MICU1: variants seen among roughly 807,000 people sequenced by gnomAD.
The protein encoded by MICU1 is mitochondrial calcium uptake 1.
MICU1 carries 45 observed loss-of-function variants against 56.8 expected under a neutral mutation model. The ratio of observed to expected loss-of-function variants is 0.79; its 90% CI spans 0.62 to 1.02. The LOEUF is 1.02. Ranked by LOEUF, MICU1 falls within the 50% of genes least tolerant of loss-of-function variation. The pLI, the probability that MICU1 is intolerant of heterozygous loss-of-function variation, is 0.00. For missense variants in MICU1, 504 were observed against 587.1 expected, an observed-to-expected ratio of 0.86 and a Z score of 1.46; for synonymous variants, 186 against 195.1, an observed-to-expected ratio of 0.95 and a Z score of 0.39.
At chr10:72,375,550 C>T (rs923622748) in intron 11 of MICU1, among the ~76,000 whole-genome samples, 1 of 152,084 alleles carries the variant, frequency 6.6e-6, no homozygotes, top group Admixed American at 6.5e-5. Context: ...TTAATTTAGG[C>T]CTATAGGCAT....
intron 1 of MICU1, among the ~76,000 whole-genome samples, chr10:72,569,734 C>A (rs1840560849): frequency 6.6e-6 from 1 of 152,044 alleles, no homozygotes; most frequent in African/African-American, 2.4e-5. Flanking sequence ...CACCTCCATC[C>A]AGAGAATTAA....
intron 4 of MICU1, among the ~76,000 whole-genome samples, chr10:72,543,706 T>C (rs1839829296): frequency 6.6e-6 from 1 of 151,934 alleles, no homozygotes; most frequent in South Asian, 2.1e-4. Context: ...ATACAAAAAA[T>C]TGGCTGGGCA....
rs565094917 is a variant in MICU1, at chr10:72,382,271, G to A, written c.1181-6399C>T. 1.5e-3 allele frequency among the ~76,000 whole-genome samples: 187 copies of A among 128,246 alleles called. 1 individual carries two copies. Among genetic ancestry groups the A allele is most frequent in the African/African-American group, 4.5e-3 (168 of 37,230 alleles). 84.1% of individuals were successfully genotyped at this position (128,246 alleles called of 152,430 possible). ...ATTACAGGTGCCTGCCACCACGTCC[G>A]GCTAATTTTTTTTTTTTTTTAGTAG... On this transcript the variant is annotated intron_variant, in intron 10 of 11. Coordinates refer to ENST00000361114, the MANE Select transcript of MICU1 (RefSeq NM_001195518.2).
At chr10:72,625,179 GAA>G (rs1299768563) in intron 1 of MICU1, among the ~76,000 whole-genome samples, 4 of 152,132 alleles carry the variant, frequency 2.6e-5, no homozygotes, top group Non-Finnish European at 5.9e-5. Flanking sequence ...TAAATAGGAA[GAA>G]AATGGGCGTT....
At chr10:72,474,277 A>G (rs1866043283) in intron 8 of MICU1, among the ~76,000 whole-genome samples, 2 of 150,484 alleles carry the variant, frequency 1.3e-5, no homozygotes, top group Admixed American at 1.3e-4. Flanking sequence ...AAAAAAAAAA[A>G]AAAAAAAAAA....
At chr10:72,375,095 A>C (rs1246944319) in intron 11 of MICU1, among the ~76,000 whole-genome samples, 4 of 152,052 alleles carry the variant, frequency 2.6e-5, no homozygotes, top group Non-Finnish European at 5.9e-5. Flanking sequence ...TTGTGACCTT[A>C]GGAAATCTAC....
At chr10:72,459,382 A>G (rs1404591254) in intron 8 of MICU1, among the ~76,000 whole-genome samples, 1 of 152,170 alleles carries the variant, frequency 6.6e-6, no homozygotes, top group African/African-American at 2.4e-5. Flanking sequence ...CTTATTGTAT[A>G]TTGATTAGTT....
intron 6 of MICU1, among the ~76,000 whole-genome samples, chr10:72,489,374 T>C (rs995533302): frequency 6.6e-6 from 1 of 151,712 alleles, no homozygotes; most frequent in Non-Finnish European, 1.5e-5. Context: ...CATTTAATCC[T>C]CATAACAACT....
At chr10:72,445,314 C>T (rs1865071969) in intron 8 of MICU1, among the ~76,000 whole-genome samples, 1 of 152,154 alleles carries the variant, frequency 6.6e-6, no homozygotes, top group Non-Finnish European at 1.5e-5. Flanking sequence ...TCTTCTGTCA[C>T]TTGATTTTAG....
At chr10:72,417,509 C>T (rs1864022601) in intron 9 of MICU1, among the ~76,000 whole-genome samples, 1 of 150,850 alleles carries the variant, frequency 6.6e-6, no homozygotes, top group Non-Finnish European at 1.5e-5. Context: ...AGGTCTTTTT[C>T]ACAGCACCTG....
chr10:72,565,947 G>GA (rs1409088685), intron 2 of MICU1, among the ~76,000 whole-genome samples: 1 of 150,144 alleles, frequency 6.7e-6, no homozygotes, highest in Non-Finnish European at 1.5e-5. Flanking sequence ...CATAACTAGT[G>GA]AAAAAAATTA....
At chr10:72,523,757 T>A (rs1049060782) in intron 5 of MICU1, 1 of 1,240,910 alleles carries the variant, frequency 8.1e-7, no homozygotes, top group African/African-American at 1.6e-5. Flanking sequence ...ATTTATAAAC[T>A]ACCATTAAAG....
intron 4 of MICU1, among the ~76,000 whole-genome samples, chr10:72,534,628 T>C (rs2132412328): frequency 6.6e-6 from 1 of 152,330 alleles, no homozygotes; most frequent in African/African-American, 2.4e-5. Flanking sequence ...ATTCAGTTAT[T>C]TTCTTTCAGT....
chr10:72,592,040 C>T lies in MICU1; in HGVS notation c.-1-25246G>A, dbSNP rs1234554708. ...TTTTTTTTTTTTTGAGACAGAGCCTCGCTCTGTCATCCAGGCCGGAATGCA... is the reference window on the plus strand; with the variant it reads ...TTTTTTTTTTTTTGAGACAGAGCCTTGCTCTGTCATCCAGGCCGGAATGCA... On this transcript the variant is annotated intron_variant, in intron 1 of 11. Transcript: ENST00000361114. Among the ~76,000 whole-genome samples, 26 of 149,182 alleles carry T rather than the reference C, an allele frequency of 1.7e-4. 1 individual carries two copies. The highest frequency in any genetic ancestry group is 4.9e-4 in the African/African-American group (20 of 40,612).
At chr10:72,536,155 A>C (rs1839627689) in intron 4 of MICU1, among the ~76,000 whole-genome samples, 1 of 152,156 alleles carries the variant, frequency 6.6e-6, no homozygotes. Flanking sequence ...AGCATTGTAG[A>C]GTTAACAACA....
chr10:72,454,822 A>G (rs886493624), intron 8 of MICU1, among the ~76,000 whole-genome samples: 2 of 152,020 alleles, frequency 1.3e-5, no homozygotes, highest in African/African-American at 4.8e-5. Flanking sequence ...ATATAAAACA[A>G]AAACTAGTCA....
chr10:72,436,135 T>G (rs955671322), intron 8 of MICU1, among the ~76,000 whole-genome samples: 1 of 152,190 alleles, frequency 6.6e-6, no homozygotes, highest in Non-Finnish European at 1.5e-5. Context: ...CACCTCCCAG[T>G]AGGGGCTGAC....
At position 72,437,933 on chromosome 10, in the gene MICU1, C is replaced by T. The variant is rs531234403; in HGVS notation, c.934-14562G>A. On this transcript the variant is annotated intron_variant, in intron 8 of 11. Coordinates refer to ENST00000361114, the MANE Select transcript of MICU1 (RefSeq NM_001195518.2). ...GAGACCTACAAAGAGACCTGGACTCCCACACAATAATAATGGGAGACTTTA... is the reference window on the plus strand; with the variant it reads ...GAGACCTACAAAGAGACCTGGACTCTCACACAATAATAATGGGAGACTTTA... Among the ~76,000 whole-genome samples, 20 of 152,176 alleles carry T rather than the reference C, an allele frequency of 1.3e-4. No individual in the cohort carries two copies. In the South Asian group the frequency reaches 3.7e-3, roughly 29 times the overall value.
chr10:72,605,263 C>T (rs529751254), intron 1 of MICU1, among the ~76,000 whole-genome samples: 2 of 152,268 alleles, frequency 1.3e-5, no homozygotes, highest in African/African-American at 2.4e-5. Context: ...AAGAATGCCA[C>T]AACAATGTCT....
Sources: allele counts gnomAD v4.1 joint callset (sites outside exome capture counted in the v4.1 genomes callset), GRCh38; gene constraint gnomAD v4.1.1; transcripts MANE v1.5; gene names NCBI Gene and HGNC (gene_info 2026-07-23, HGNC 2026-07-21).